The following ATP11B variants were observed in gnomAD, a reference collection of about 807,000 sequenced individuals.
ATP11B encodes ATPase phospholipid transporting 11B (putative).
Under a neutral mutation model 157.8 loss-of-function variants are expected in ATP11B, and 81 were observed. That is an observed-to-expected ratio of 0.51 (90% CI 0.43 to 0.62). The LOEUF is 0.62. Among genes scored for constraint, ATP11B ranks in the 20% least tolerant of loss-of-function variants. The probability of loss-of-function intolerance (pLI) is 0.00; values close to 1 mark genes in which losing one functional copy is unlikely to be tolerated. For missense variants in ATP11B, 1,165 were observed against 1,402.2 expected (o/e 0.83, Z 2.70); for synonymous variants, 451 against 469.4 (o/e 0.96, Z 0.51).
chr3:182,852,795 C>T (rs1720082263), intron 10 of ATP11B, among the ~76,000 whole-genome samples: 1 of 152,116 alleles, frequency 6.6e-6, no homozygotes, highest in Non-Finnish European at 1.5e-5. Flanking sequence ...GTAAAGATTT[C>T]TTAGATGGGA....
At chr3:182,839,578 A>G (rs1253596740) in intron 7 of ATP11B, among the ~76,000 whole-genome samples, 1 of 137,832 alleles carries the variant, frequency 7.3e-6, no homozygotes, top group African/African-American at 2.8e-5. Context: ...ATTTTTAATC[A>G]TCTTTTTCTT....
chr3:182,872,388 A>G lies in ATP11B; in HGVS notation c.1899A>G (p.Arg633=), dbSNP rs1229158523. The change falls in exon 18 of 30, where the codon AGA becomes AGG. Residue 633 remains arginine (R), a synonymous_variant. Coordinates refer to ENST00000323116, the MANE Select transcript of ATP11B (RefSeq NM_014616.3). Reference sequence around the variant, plus strand: ...TAAGAACTCTGTGTATAGCATATAGAAAATTTACATCAAAAGAGTATGAGG... The same window carrying G: ...TAAGAACTCTGTGTATAGCATATAGGAAATTTACATCAAAAGAGTATGAGG... ...KGLRTLCIAY[R]KFTSKEYEEI... is the part of the protein sequence containing the mutation. The G allele has an allele frequency of 6.2e-7, 1 of 1,613,116 alleles. No homozygotes were observed. The highest frequency in any genetic ancestry group is 8.5e-7 in the Non-Finnish European group (1 of 1,179,544).
chr3:182,862,486 C>T (rs1720917068), intron 12 of ATP11B, among the ~76,000 whole-genome samples: 1 of 152,136 alleles, frequency 6.6e-6, no homozygotes, highest in South Asian at 2.1e-4. Flanking sequence ...CAGATTCTGT[C>T]CAGTTCAGCC....
At chr3:182,794,838 A>G (rs763900391) in intron 1 of ATP11B, among the ~76,000 whole-genome samples, 1 of 152,194 alleles carries the variant, frequency 6.6e-6, no homozygotes, top group South Asian at 2.1e-4. Flanking sequence ...TAATGCTTCT[A>G]CAAGTTGGCG....
At chr3:182,801,509 A>G (rs1716011851) in intron 1 of ATP11B, among the ~76,000 whole-genome samples, 1 of 152,214 alleles carries the variant, frequency 6.6e-6, no homozygotes, top group Non-Finnish European at 1.5e-5. Flanking sequence ...TAATGGTATA[A>G]TGAGCCCCTT....
At position 182,920,626 on chromosome 3, in the gene ATP11B, C is replaced by T. The variant is rs577641695; in HGVS notation, c.*2522C>T. On this transcript the variant is annotated 3_prime_UTR_variant, in exon 30 of 30. Coordinates refer to ENST00000323116, the MANE Select transcript of ATP11B (RefSeq NM_014616.3). ...CTCAAATCGATTTGCCTCCCTTTGC[C>T]TCGTCTGAGGGCTGTAAGCCTGAAG... 7.2e-5 allele frequency: 11 copies of T among 152,318 alleles called. No individual in the cohort carries two copies. The highest frequency in any genetic ancestry group is 2.4e-4 in the African/African-American group (10 of 41,564). The allele number at this position is 152,318 out of a possible 1,614,324, so 9.4% of individuals were successfully genotyped here.
At chr3:182,851,744 A>G (rs140792752) in intron 10 of ATP11B, among the ~76,000 whole-genome samples, 5 of 152,348 alleles carry the variant, frequency 3.3e-5, no homozygotes, top group African/African-American at 1.2e-4. Context: ...ACAGCGAAAC[A>G]AAAAACCAAA....
intron 12 of ATP11B, among the ~76,000 whole-genome samples, chr3:182,861,381 A>T (rs956128673): frequency 1.3e-5 from 2 of 152,086 alleles, no homozygotes; most frequent in African/African-American, 4.8e-5. Context: ...TACATTTTTT[A>T]AAAGATAGGA....
rs1296470370 is a variant in ATP11B at position 182,793,844 on chromosome 3, G to A, written c.27+58G>A. 1.0e-5 allele frequency: 12 copies of A among 1,152,060 alleles called. No individual in the cohort carries two copies. In the Admixed American group the frequency reaches 3.5e-4, roughly 33 times the overall value. 71.4% of individuals were successfully genotyped at this position (1,152,060 alleles called of 1,614,324 possible). A position where few individuals can be genotyped will look rare whatever the true frequency, so the allele number is the denominator to read the frequency against. On this transcript the variant is annotated intron_variant, in intron 1 of 29. Transcript: ENST00000323116. ...CCGCCCCCGCGGGGCCTCTCGGCCC[G>A]GGGTGGCGGGGAAAGGCCGGCGGCG... is the stretch of plus-strand genomic sequence containing the variant.
At chr3:182,803,139 C>T (rs1165917967) in intron 1 of ATP11B, among the ~76,000 whole-genome samples, 6 of 152,112 alleles carry the variant, frequency 3.9e-5, no homozygotes, top group Admixed American at 6.5e-5. Flanking sequence ...TCATGGGTCA[C>T]GTACATTATG....
At chr3:182,912,298 C>T (rs1255591627) in intron 28 of ATP11B, among the ~76,000 whole-genome samples, 1 of 152,082 alleles carries the variant, frequency 6.6e-6, no homozygotes, top group Admixed American at 6.6e-5. Context: ...TATGGTTTCT[C>T]CCACTAAGAA....
intron 19 of ATP11B, among the ~76,000 whole-genome samples, chr3:182,878,822 TAG>T (rs755132268): frequency 5.9e-5 from 9 of 152,324 alleles, no homozygotes; most frequent in Non-Finnish European, 8.8e-5. Flanking sequence ...CTTGATTTCA[TAG>T]AGTTTTTTTT....
chr3:182,815,845 G>A lies in ATP11B; in HGVS notation c.28-4415G>A, dbSNP rs545355942. On this transcript the variant is annotated intron_variant, in intron 1 of 29. Transcript: ENST00000323116. ...TACTTGTAATGCTTATAAAATCTTT[G>A]GGATTTTAAGATAATGCAGAGGCTA... is the stretch of plus-strand genomic sequence containing the variant. 5.3e-5 allele frequency among the ~76,000 whole-genome samples: 8 copies of A among 152,184 alleles called. No homozygotes were observed. The South Asian group carries it at 1.7e-3, about 32-fold the overall frequency.
chr3:182,838,091 AC>A (rs1482550734), intron 7 of ATP11B, among the ~76,000 whole-genome samples: 1 of 152,022 alleles, frequency 6.6e-6, no homozygotes, highest in Non-Finnish European at 1.5e-5. Context: ...TTCCAAACTT[AC>A]GTATCTTTTT....
At chr3:182,800,774 A>G (rs1715948001) in intron 1 of ATP11B, among the ~76,000 whole-genome samples, 1 of 132,946 alleles carries the variant, frequency 7.5e-6, no homozygotes, top group Non-Finnish European at 1.6e-5. Flanking sequence ...TGGTATTGGC[A>G]AATTCTTTTG....
chr3:182,840,330 G>C (rs1293716252), intron 7 of ATP11B, among the ~76,000 whole-genome samples: 1 of 152,020 alleles, frequency 6.6e-6, no homozygotes, highest in East Asian at 1.9e-4. Context: ...CTTCCTGTTA[G>C]AGTGCCCCAG....
At chr3:182,833,206 G>T (rs974921346) in intron 4 of ATP11B, among the ~76,000 whole-genome samples, 3 of 152,204 alleles carry the variant, frequency 2.0e-5, no homozygotes, top group Admixed American at 1.3e-4. Context: ...TAATCTACTG[G>T]TGTAAGAAAG....
chr3:182,896,476 T>A (rs1723555548), intron 25 of ATP11B, among the ~76,000 whole-genome samples: 1 of 152,222 alleles, frequency 6.6e-6, no homozygotes, highest in African/African-American at 2.4e-5. Context: ...TGGGTTCCAG[T>A]CTGATAATGA....
chr3:182,830,703 A>T (rs73883906), intron 4 of ATP11B, among the ~76,000 whole-genome samples: 2,326 of 152,298 alleles, frequency 0.015, 59 homozygotes, highest in African/African-American at 0.054. Context: ...CAGTTCTGGG[A>T]TGAAGTATAT....
Sources: gnomAD v4.1 joint callset for allele counts (sites outside exome capture counted in the v4.1 genomes callset) on GRCh38, gnomAD v4.1.1 for gene constraint, MANE v1.5 for transcripts, NCBI Gene and HGNC (gene_info 2026-07-23, HGNC 2026-07-21) for gene names.